CDK17: variants seen among roughly 807,000 people sequenced by gnomAD.
The protein encoded by CDK17 is cyclin-dependent kinase 17.
Under a neutral mutation model 77.6 loss-of-function variants are expected in CDK17, and 24 were observed. The observed-to-expected ratio is 0.31, with a 90% CI of 0.22 to 0.44. CDK17 has a LOEUF of 0.44. Among genes scored for constraint, CDK17 ranks in the 20% least tolerant of loss-of-function variants. The pLI, the probability that CDK17 is intolerant of heterozygous loss-of-function variation, is 1.00. For missense variants in CDK17, 429 were observed against 622.5 expected (o/e 0.69, Z 3.31); for synonymous variants, 203 against 210.4 (o/e 0.96, Z 0.30).
At chr12:96,382,422 TC>T (rs1953899305) in intron 1 of CDK17, among the ~76,000 whole-genome samples, 1 of 151,564 alleles carries the variant, frequency 6.6e-6, no homozygotes, top group African/African-American at 2.4e-5. Context: ...ACAGCCGAAT[TC>T]TACCAAACGT....
chr12:96,285,187 A>G lies in CDK17; in HGVS notation c.1322+856T>C, dbSNP rs1592703863. On this transcript the variant is annotated intron_variant, in intron 13 of 16. Coordinates refer to ENST00000261211, the MANE Select transcript of CDK17 (RefSeq NM_002595.5). The stretch of plus-strand genomic sequence containing the variant: ...ATGCTACTTGGGAGAGACATGCAAA[A>G]AAAGCCCAGCAAGTATTATTATTCT... 2.6e-5 allele frequency among the ~76,000 whole-genome samples: 4 copies of G among 152,238 alleles called. No homozygotes were observed. In the East Asian group the frequency reaches 7.7e-4, roughly 29 times the overall value.
chr12:96,319,963 G>C (rs907478492), intron 3 of CDK17, among the ~76,000 whole-genome samples: 17 of 150,196 alleles, frequency 1.1e-4, no homozygotes, highest in African/African-American at 3.9e-4. Context: ...AATCAGGCAG[G>C]AGAAGGAAAT....
Position 96,295,434 on chromosome 12 carries a change from A to AC in CDK17, c.874-313dup, listed in dbSNP as rs199749470. Reference sequence around the variant, plus strand: ...TGTGGAAAATGACTTAAAAAAAAAAACATATCCTCATAAACTTACAGGCCT... The same window carrying AC: ...TGTGGAAAATGACTTAAAAAAAAAAACCATATCCTCATAAACTTACAGGCCT... On this transcript the variant is annotated intron_variant, in intron 9 of 16. Transcript: ENST00000261211. The AC allele has an allele frequency of 3.0e-5, 5 of 167,338 alleles. No individual in the cohort carries two copies. In the East Asian group the frequency reaches 8.3e-4, roughly 28 times the overall value. The allele number at this position is 167,338 out of a possible 1,614,324, so 10.4% of individuals were successfully genotyped here. A position where few individuals can be genotyped will look rare whatever the true frequency, so the allele number is the denominator to read the frequency against.
chr12:96,308,665 C>T (rs990785777), intron 5 of CDK17, among the ~76,000 whole-genome samples: 15 of 146,994 alleles, frequency 1.0e-4, no homozygotes, highest in African/African-American at 3.7e-4. Flanking sequence ...GGGAGGCAGA[C>T]TGCAGTGAGC....
chr12:96,280,307 A>G (rs991249738), intron 16 of CDK17, 28 bp from the exon 17 acceptor site: 14 of 1,549,640 alleles, frequency 9.0e-6, no homozygotes, highest in Middle Eastern at 1.7e-4. Flanking sequence ...TTTATGAGGC[A>G]GTTCAAGGTT....
rs550790071 is a variant in CDK17 at position 96,345,606 on chromosome 12, C to T, written c.-29-10741G>A. Among the ~76,000 whole-genome samples the T allele has an allele frequency of 2.0e-5, 3 of 152,068 alleles. No individual in the cohort carries two copies. The East Asian group carries it at 5.8e-4, about 29-fold the overall frequency. On this transcript the variant is annotated intron_variant, in intron 1 of 16. Transcript: ENST00000261211. ...AAAATTATAAATCTGCTGCTGGGCA[C>T]ATAAAATATAAAAAGGTAATCTGTG...
At chr12:96,393,003 T>C (rs1954096931) in intron 1 of CDK17, among the ~76,000 whole-genome samples, 1 of 152,154 alleles carries the variant, frequency 6.6e-6, no homozygotes, top group Non-Finnish European at 1.5e-5. Context: ...AAATACCAAC[T>C]GCAAACCTGA....
chr12:96,384,309 A>G (rs931974259), intron 1 of CDK17, among the ~76,000 whole-genome samples: 4 of 152,218 alleles, frequency 2.6e-5, no homozygotes, highest in Admixed American at 6.5e-5. Context: ...TGGTAGGAAT[A>G]TAAGTTAAGT....
chr12:96,341,408 T>C (rs1297032727), intron 1 of CDK17, among the ~76,000 whole-genome samples: 5 of 152,074 alleles, frequency 3.3e-5, no homozygotes, highest in African/African-American at 1.2e-4. Flanking sequence ...AAAACACTTC[T>C]AGCTTTTTGT....
At chr12:96,333,351 C>A (rs968225210) in intron 2 of CDK17, among the ~76,000 whole-genome samples, 2 of 151,950 alleles carry the variant, frequency 1.3e-5, no homozygotes, top group Non-Finnish European at 2.9e-5. Context: ...GCCCATCCCT[C>A]TCTCCTCCCC....
intron 1 of CDK17, among the ~76,000 whole-genome samples, chr12:96,352,493 G>C (rs1318141135): frequency 6.6e-6 from 1 of 152,162 alleles, no homozygotes; most frequent in Non-Finnish European, 1.5e-5. Flanking sequence ...ATAAAGGCTG[G>C]GGTGGGCTAT....
chr12:96,400,243 G>A lies in CDK17; in HGVS notation c.-287C>T. 4 of 393,912 alleles carry A rather than the reference G, an allele frequency of 1.0e-5. No homozygotes were observed. The highest frequency in any genetic ancestry group is 1.8e-5 in the Non-Finnish European group (4 of 222,882). 24.4% of individuals were successfully genotyped at this position (393,912 alleles called of 1,614,324 possible). A position where few individuals can be genotyped will look rare whatever the true frequency, so the allele number is the denominator to read the frequency against. On this transcript the variant is annotated 5_prime_UTR_variant, in exon 1 of 17. Transcript: ENST00000261211. ...AACATGGCTCCCGCGCCGACGAGCC[G>A]CGCGGACGGCCCACTAATCCCCTCG...
intron 5 of CDK17, among the ~76,000 whole-genome samples, chr12:96,305,246 A>G (rs979412011): frequency 2.0e-5 from 3 of 152,260 alleles, no homozygotes; most frequent in Non-Finnish European, 4.4e-5. Flanking sequence ...AACATGACAT[A>G]TGATCACTAA....
At chr12:96,347,018 C>G (rs1185167667) in intron 1 of CDK17, among the ~76,000 whole-genome samples, 1 of 151,860 alleles carries the variant, frequency 6.6e-6, no homozygotes, top group African/African-American at 2.4e-5. Context: ...CAAAAAAGAG[C>G]AAGTGTAGCT....
intron 1 of CDK17, among the ~76,000 whole-genome samples, chr12:96,386,219 C>T (rs945064178): frequency 2.0e-5 from 3 of 152,206 alleles, no homozygotes; most frequent in Non-Finnish European, 4.4e-5. Context: ...TTGTCTTAAA[C>T]ACCTGGGCTC....
intron 13 of CDK17, 29 bp downstream of exon 13, chr12:96,286,014 C>A: frequency 9.3e-7 from 1 of 1,070,796 alleles, no homozygotes; most frequent in Non-Finnish European, 1.4e-6. Flanking sequence ...CATGTGTTTT[C>A]CCCCCTTTCA....
intron 1 of CDK17, among the ~76,000 whole-genome samples, chr12:96,393,153 A>AG (rs2137248780): frequency 6.7e-6 from 1 of 149,284 alleles, no homozygotes; most frequent in East Asian, 2.1e-4. Flanking sequence ...TCACGAGGTC[A>AG]GGAGTTCAAC....
chr12:96,354,971 T>C (rs1953371454), intron 1 of CDK17, among the ~76,000 whole-genome samples: 1 of 152,144 alleles, frequency 6.6e-6, no homozygotes, highest in African/African-American at 2.4e-5. Flanking sequence ...CCATAGTGTA[T>C]TTCTATACAG....
At chr12:96,328,137 T>A (rs968530738) in intron 2 of CDK17, among the ~76,000 whole-genome samples, 1 of 152,120 alleles carries the variant, frequency 6.6e-6, no homozygotes, top group Non-Finnish European at 1.5e-5. Context: ...ATAGGAGTAC[T>A]AACGCTGTTG....
Sources: allele counts gnomAD v4.1 joint callset (sites outside exome capture counted in the v4.1 genomes callset), GRCh38; gene constraint gnomAD v4.1.1; transcripts MANE v1.5; gene names NCBI Gene and HGNC (gene_info 2026-07-23, HGNC 2026-07-21).